Variants in GRIA1 observed in about 807,000 individuals in gnomAD.
GRIA1 encodes glutamate ionotropic receptor AMPA type subunit 1.
A neutral mutation model predicts 99.2 loss-of-function variants in GRIA1; 31 were observed. The observed-to-expected ratio is 0.31, with a 90% CI of 0.23 to 0.42. GRIA1 has a LOEUF of 0.42. GRIA1 is among the 10% of genes least tolerant of loss of function. The probability of loss-of-function intolerance (pLI) is 1.00; values close to 1 mark genes in which losing one functional copy is unlikely to be tolerated. For synonymous variants in GRIA1, 438 were observed against 432.4 expected (o/e 1.01, Z -0.16); for missense variants, 782 against 1,157.5 (o/e 0.68, Z 4.71).
At chr5:153,601,114 T>G (rs1429573401) in intron 2 of GRIA1, among the ~76,000 whole-genome samples, 1 of 152,236 alleles carries the variant, frequency 6.6e-6, no homozygotes, top group East Asian at 1.9e-4. Flanking sequence ...GATAAACAGC[T>G]AACACCGACT....
chr5:153,753,316 C>T (rs116128197), intron 11 of GRIA1, among the ~76,000 whole-genome samples: 1 of 152,154 alleles, frequency 6.6e-6, no homozygotes, highest in Non-Finnish European at 1.5e-5. Context: ...CCAATTATAT[C>T]AGATATTGGT....
rs888215671 is a variant in GRIA1, at chr5:153,608,795, G to A, written c.221-38133G>A. ...TGTTGTCTTATCTTCCTGTATAACA[G>A]TTTTTTTTTACTGCGTTCTGGACAT... On this transcript the variant is annotated intron_variant, in intron 2 of 15. Coordinates refer to ENST00000285900, the MANE Select transcript of GRIA1 (RefSeq NM_000827.4). Among the ~76,000 whole-genome samples the A allele has an allele frequency of 5.3e-5, 8 of 151,152 alleles. 1 individual carries two copies. The highest frequency in any genetic ancestry group is 1.2e-4 in the Non-Finnish European group (8 of 67,736).
rs575077085 is a variant in GRIA1, at chr5:153,599,437, C to A, written c.221-47491C>A. Among the ~76,000 whole-genome samples, 108 of 6,048 alleles carry A rather than the reference C, an allele frequency of 0.018. 1 individual carries two copies. In the Non-Finnish European group the frequency reaches 0.28, roughly 16 times the overall value. The allele number at this position is 6,048 out of a possible 152,430, so 4.0% of individuals were successfully genotyped here. ...TATCCACAGGGGTTTGGTACCAGGA[C>A]TCCTACAGATAACCAACATCTAGGT... On this transcript the variant is annotated intron_variant, in intron 2 of 15. Coordinates refer to ENST00000285900, the MANE Select transcript of GRIA1 (RefSeq NM_000827.4).
intron 1 of GRIA1, among the ~76,000 whole-genome samples, chr5:153,493,072 G>A (rs1754076133): frequency 6.6e-6 from 1 of 152,174 alleles, no homozygotes; most frequent in South Asian, 2.1e-4. Flanking sequence ...TTTACATGTT[G>A]ACAGTAAATA....
intron 13 of GRIA1, among the ~76,000 whole-genome samples, chr5:153,777,554 G>A (rs1410453510): frequency 6.6e-6 from 1 of 152,112 alleles, no homozygotes; most frequent in Non-Finnish European, 1.5e-5. Flanking sequence ...ATACTTATTA[G>A]TGTTCATTTT....
chr5:153,615,135 G>A (rs890504979), intron 2 of GRIA1, among the ~76,000 whole-genome samples: 30 of 152,138 alleles, frequency 2.0e-4, no homozygotes, highest in African/African-American at 6.5e-4. Context: ...ATGGCATGTG[G>A]AACAGTTCCT....
At chr5:153,660,703 C>T (rs938509648) in intron 5 of GRIA1, among the ~76,000 whole-genome samples, 3 of 152,182 alleles carry the variant, frequency 2.0e-5, no homozygotes, top group Non-Finnish European at 2.9e-5. Context: ...ATCGCAGTGG[C>T]ACTGAAGCAT....
intron 2 of GRIA1, among the ~76,000 whole-genome samples, chr5:153,612,517 T>C (rs1240222437): frequency 1.3e-5 from 2 of 152,246 alleles, no homozygotes; most frequent in African/African-American, 2.4e-5. Flanking sequence ...ATTGTGAAGA[T>C]TCAGTGGGAT....
At chr5:153,747,493 G>C (rs1762236416) in intron 11 of GRIA1, among the ~76,000 whole-genome samples, 1 of 152,182 alleles carries the variant, frequency 6.6e-6, no homozygotes, top group Admixed American at 6.5e-5. Context: ...CACCCACCTG[G>C]CCCAAAGAAA....
chr5:153,747,430 C>T (rs984732069), intron 11 of GRIA1, among the ~76,000 whole-genome samples: 1 of 152,178 alleles, frequency 6.6e-6, no homozygotes, highest in African/African-American at 2.4e-5. Context: ...TTGACAATCA[C>T]CTTTCAACAT....
At chr5:153,804,612 A>T (rs142059296) in intron 15 of GRIA1, among the ~76,000 whole-genome samples, 2 of 152,290 alleles carry the variant, frequency 1.3e-5, no homozygotes, top group African/African-American at 4.8e-5. Flanking sequence ...CAGCATCATC[A>T]TCTAGAGTAG....
chr5:153,808,547 A>C (rs773000603), intron 15 of GRIA1, among the ~76,000 whole-genome samples: 2 of 152,192 alleles, frequency 1.3e-5, no homozygotes, highest in Non-Finnish European at 2.9e-5. Flanking sequence ...CTTTGCTTGC[A>C]TTTTTGAATC....
At position 153,758,940 on chromosome 5, in the gene GRIA1, C is replaced by G. The variant is rs80035333; in HGVS notation, c.1824-5494C>G. 9.7e-3 allele frequency among the ~76,000 whole-genome samples: 1,480 copies of G among 151,890 alleles called. 15 individuals carry two copies. Among genetic ancestry groups the G allele is most frequent in the African/African-American group, 0.034 (1,394 of 41,500 alleles). ...AACTAGCAATCAATAACAAGAGGAA[C>G]TTTGGAAACCATACAGAATTACAGA... On this transcript the variant is annotated intron_variant, in intron 11 of 15. Coordinates refer to ENST00000285900, the MANE Select transcript of GRIA1 (RefSeq NM_000827.4).
At chr5:153,621,932 G>A (rs781199594) in intron 2 of GRIA1, among the ~76,000 whole-genome samples, 42 of 152,090 alleles carry the variant, frequency 2.8e-4, no homozygotes, top group Non-Finnish European at 4.9e-4. Context: ...AATGAGAATT[G>A]GTTGCAAATA....
At chr5:153,713,706 G>A (rs1759483024) in intron 11 of GRIA1, among the ~76,000 whole-genome samples, 1 of 152,348 alleles carries the variant, frequency 6.6e-6, no homozygotes, top group African/African-American at 2.4e-5. Flanking sequence ...CATAATTGCT[G>A]TCTCTAGATT....
At chr5:153,665,919 T>C (rs1300179907) in intron 5 of GRIA1, among the ~76,000 whole-genome samples, 1 of 152,214 alleles carries the variant, frequency 6.6e-6, no homozygotes, top group Non-Finnish European at 1.5e-5. Context: ...AGATCATTGA[T>C]GTAGCCAAAG....
chr5:153,626,430 C>CTG (rs1354402633), intron 2 of GRIA1, among the ~76,000 whole-genome samples: 23 of 132,900 alleles, frequency 1.7e-4, no homozygotes, highest in Non-Finnish European at 2.8e-4. Flanking sequence ...AATCTAGTCT[C>CTG]TGTGTGTGTG....
intron 13 of GRIA1, among the ~76,000 whole-genome samples, chr5:153,778,197 G>T (rs1031456721): frequency 1.5e-4 from 4 of 27,364 alleles, no homozygotes; most frequent in African/African-American, 6.2e-4. Context: ...GAGAGAGTGT[G>T]TGTGTGTGTG....
chr5:153,630,922 G>A (rs1485772403), intron 2 of GRIA1, among the ~76,000 whole-genome samples: 1 of 152,200 alleles, frequency 6.6e-6, no homozygotes, highest in Non-Finnish European at 1.5e-5. Flanking sequence ...CAGAACTTGA[G>A]ATAGAGAAAC....
Sources: gnomAD v4.1 joint callset for allele counts (sites outside exome capture counted in the v4.1 genomes callset) on GRCh38, gnomAD v4.1.1 for gene constraint, MANE v1.5 for transcripts, NCBI Gene and HGNC (gene_info 2026-07-23, HGNC 2026-07-21) for gene names.